The following ZBBX variants were observed in gnomAD, a reference collection of about 807,000 sequenced individuals.
The protein encoded by ZBBX is zinc finger B-box domain-containing protein 1.
Under a neutral mutation model 108.5 loss-of-function variants are expected in ZBBX, and 101 were observed. The observed-to-expected ratio is 0.93, with a 90% CI of 0.79 to 1.10. ZBBX has a LOEUF of 1.10. Ranked by LOEUF, ZBBX falls within the 50% of genes least tolerant of loss-of-function variation. ZBBX has a pLI of 0.00. For synonymous variants in ZBBX, 356 were observed against 323.4 expected, an observed-to-expected ratio of 1.10 and a Z score of -1.08; for missense variants, 1,009 against 941.4, an observed-to-expected ratio of 1.07 and a Z score of -0.94.
intron 19 of ZBBX, 93 bp downstream of exon 19, chr3:167,288,774 T>C: frequency 1.6e-6 from 1 of 609,206 alleles, no homozygotes; most frequent in South Asian, 5.4e-5. Context: ...CTTCAAAAAC[T>C]AAATTGCAGG....
chr3:167,187,767 C>T, the ZBBX span, among the ~76,000 whole-genome samples: 1 of 152,062 alleles, frequency 6.6e-6, no homozygotes. Context: ...TCCAAGGTGG[C>T]AAGGGGTACA....
intron 20 of ZBBX, among the ~76,000 whole-genome samples, chr3:167,255,104 T>C (rs1702409210): frequency 6.6e-6 from 1 of 152,014 alleles, no homozygotes; most frequent in South Asian, 2.1e-4. Context: ...AAAACTCAGG[T>C]AATAAAACTT....
intron 8 of ZBBX, among the ~76,000 whole-genome samples, chr3:167,355,611 A>G (rs1272543876): frequency 6.6e-6 from 1 of 151,752 alleles, no homozygotes; most frequent in South Asian, 2.1e-4. Flanking sequence ...TGGCTTTCAA[A>G]TATATATATT....
At chr3:167,344,376 G>A (rs768316706) in intron 9 of ZBBX, among the ~76,000 whole-genome samples, 1 of 151,748 alleles carries the variant, frequency 6.6e-6, no homozygotes, top group Non-Finnish European at 1.5e-5. Context: ...GAATTATATC[G>A]CAATAATGCT....
intron 18 of ZBBX, among the ~76,000 whole-genome samples, chr3:167,291,306 A>G (rs887479266): frequency 5.3e-5 from 8 of 152,154 alleles, no homozygotes; most frequent in African/African-American, 1.7e-4. Flanking sequence ...GCAGCCAGAG[A>G]GAAAGGTTGG....
intron 19 of ZBBX, among the ~76,000 whole-genome samples, chr3:167,287,067 A>G (rs1177290382): frequency 6.6e-6 from 1 of 151,936 alleles, no homozygotes; most frequent in African/African-American, 2.4e-5. Context: ...TATCTTGCCA[A>G]TCTACACTTT....
At chr3:167,276,431 G>C (rs1349341941) in intron 20 of ZBBX, among the ~76,000 whole-genome samples, 1 of 152,152 alleles carries the variant, frequency 6.6e-6, no homozygotes, top group African/African-American at 2.4e-5. Context: ...GGCTCGAAGA[G>C]AACTATGTGA....
Position 167,295,731 on chromosome 3 carries a change from A to G in ZBBX, c.1879+2574T>C, listed in dbSNP as rs891181128. On this transcript the variant is annotated intron_variant, in intron 18 of 21. Coordinates refer to ENST00000675490, the MANE Select transcript of ZBBX (RefSeq NM_001199201.2). ...TTGGAATATATATATATATATATAT[A>G]TATATATATATATATATATATATAT... Among the ~76,000 whole-genome samples, 18 of 15,512 alleles carry G rather than the reference A, an allele frequency of 1.2e-3. 1 individual carries two copies. The East Asian group carries it at 0.056, about 48-fold the overall frequency. 10.2% of individuals were successfully genotyped at this position (15,512 alleles called of 152,430 possible).
intron 8 of ZBBX, among the ~76,000 whole-genome samples, chr3:167,354,650 T>A (rs1743224439): frequency 6.6e-6 from 1 of 151,906 alleles, no homozygotes; most frequent in Non-Finnish European, 1.5e-5. Flanking sequence ...TATAAATACA[T>A]GGTTATATCA....
the ZBBX span, among the ~76,000 whole-genome samples, chr3:167,201,026 T>G: frequency 2.0e-5 from 3 of 152,148 alleles, no homozygotes; most frequent in Non-Finnish European, 2.9e-5. Flanking sequence ...GATGAATGAA[T>G]CACCTAATTC....
intron 18 of ZBBX, among the ~76,000 whole-genome samples, chr3:167,296,592 C>T (rs996459759): frequency 3.3e-5 from 5 of 151,820 alleles, no homozygotes; most frequent in Admixed American, 1.3e-4. Flanking sequence ...AATGAACAAT[C>T]GGAAAAGGAA....
At chr3:167,181,438 A>G in the ZBBX span, among the ~76,000 whole-genome samples, 1 of 152,202 alleles carries the variant, frequency 6.6e-6, no homozygotes, top group Admixed American at 6.5e-5. Context: ...ACTAACTCCA[A>G]CTATGTTAAA....
chr3:167,396,423 G>A (rs1217317979), intron 1 of ZBBX, among the ~76,000 whole-genome samples: 2 of 152,050 alleles, frequency 1.3e-5, no homozygotes, highest in Non-Finnish European at 2.9e-5. Flanking sequence ...GGCACAGAAT[G>A]TAGCTCCTGT....
rs550982103 is a variant in ZBBX at position 167,366,166 on chromosome 3, A to G, written c.183-190T>C. Among the ~76,000 whole-genome samples, 5 of 152,032 alleles carry G rather than the reference A, an allele frequency of 3.3e-5. No individual in the cohort carries two copies. In the South Asian group the frequency reaches 6.2e-4, roughly 19 times the overall value. On this transcript the variant is annotated intron_variant, in intron 5 of 21. Transcript: ENST00000675490. ...AGTAATTTTAAAATGTAGCTTTATCATATTTATGACCTTTGTGGAGAAATG... is the reference window on the plus strand; with the variant it reads ...AGTAATTTTAAAATGTAGCTTTATCGTATTTATGACCTTTGTGGAGAAATG...
the ZBBX span, among the ~76,000 whole-genome samples, chr3:167,178,662 C>T: frequency 2.6e-5 from 4 of 152,144 alleles, no homozygotes; most frequent in African/African-American, 4.8e-5. Flanking sequence ...CCTGGAGAAA[C>T]ACAAGCATAA....
At chr3:167,224,579 AT>A in the ZBBX span, among the ~76,000 whole-genome samples, 3 of 151,930 alleles carry the variant, frequency 2.0e-5, no homozygotes, top group Non-Finnish European at 4.4e-5. Context: ...AATATGTACA[AT>A]TTTATCTGTT....
At chr3:167,376,517 C>T (rs1746982565) in intron 2 of ZBBX, among the ~76,000 whole-genome samples, 1 of 151,998 alleles carries the variant, frequency 6.6e-6, no homozygotes, top group African/African-American at 2.4e-5. Flanking sequence ...ATCTAAATTG[C>T]TATAATTTTG....
At chr3:167,245,270 G>A (rs1461580921) in intron 20 of ZBBX, among the ~76,000 whole-genome samples, 3 of 152,116 alleles carry the variant, frequency 2.0e-5, no homozygotes, top group Admixed American at 6.6e-5. Context: ...AAAATTAGCC[G>A]GGCATGGTAG....
chr3:167,191,031 T>C, the ZBBX span, among the ~76,000 whole-genome samples: 1 of 152,168 alleles, frequency 6.6e-6, no homozygotes, highest in Admixed American at 6.5e-5. Context: ...GCTGGTTCCA[T>C]CCTGAAAGGG....
Sources: gnomAD v4.1 joint callset for allele counts (sites outside exome capture counted in the v4.1 genomes callset) on GRCh38, gnomAD v4.1.1 for gene constraint, MANE v1.5 for transcripts, NCBI Gene and HGNC (gene_info 2026-07-23, HGNC 2026-07-21) for gene names.